Variants in MTHFD1L observed in about 807,000 individuals in gnomAD.
The protein encoded by MTHFD1L is monofunctional C1-tetrahydrofolate synthase, mitochondrial.
A neutral mutation model predicts 119.5 loss-of-function variants in MTHFD1L; 81 were observed. That is an observed-to-expected ratio of 0.68 (90% CI 0.57 to 0.82). MTHFD1L has a LOEUF of 0.82. MTHFD1L is among the 40% of genes least tolerant of loss of function. The probability of loss-of-function intolerance (pLI) is 0.00; values close to 1 mark genes in which losing one functional copy is unlikely to be tolerated. For missense variants in MTHFD1L, 1,125 were observed against 1,253.4 expected, an observed-to-expected ratio of 0.90 and a Z score of 1.55; for synonymous variants, 430 against 475.2, an observed-to-expected ratio of 0.90 and a Z score of 1.24.
At chr6:151,093,136 T>C (rs1794598496) in intron 27 of MTHFD1L, among the ~76,000 whole-genome samples, 2 of 152,132 alleles carry the variant, frequency 1.3e-5, no homozygotes. Flanking sequence ...AGCCAGGCCA[T>C]ACGCCACCTC....
At chr6:150,938,833 C>CCCT (rs1243182546) in intron 13 of MTHFD1L, 88 bp downstream of exon 13, 1 of 1,459,370 alleles carries the variant, frequency 6.9e-7, no homozygotes, top group Non-Finnish European at 9.4e-7. Context: ...GGCCCACAGA[C>CCCT]CCTCATCCAT....
intron 15 of MTHFD1L, among the ~76,000 whole-genome samples, chr6:150,946,004 T>C (rs1260236515): frequency 6.6e-6 from 1 of 151,904 alleles, no homozygotes; most frequent in Non-Finnish European, 1.5e-5. Flanking sequence ...CAAGAGCCCA[T>C]CTCTTAAAAA....
chr6:150,934,265 A>G (rs1791670688), intron 11 of MTHFD1L, among the ~76,000 whole-genome samples: 1 of 152,166 alleles, frequency 6.6e-6, no homozygotes, highest in South Asian at 2.1e-4. Flanking sequence ...CACCTCTCCT[A>G]TTAACTGCCC....
At chr6:151,065,223 G>A (rs938012848) in intron 26 of MTHFD1L, among the ~76,000 whole-genome samples, 8 of 152,178 alleles carry the variant, frequency 5.3e-5, no homozygotes, top group Non-Finnish European at 8.8e-5. Flanking sequence ...AGCAAAGGGG[G>A]CATTTTTCAG....
intron 27 of MTHFD1L, among the ~76,000 whole-genome samples, chr6:151,101,300 T>C (rs1725613845): frequency 6.6e-6 from 1 of 152,226 alleles, no homozygotes; most frequent in South Asian, 2.1e-4. Flanking sequence ...GAATGCTGCA[T>C]GGCGTAGCTG....
At chr6:150,897,152 CA>C (rs1290497330) in intron 7 of MTHFD1L, among the ~76,000 whole-genome samples, 1 of 152,076 alleles carries the variant, frequency 6.6e-6, no homozygotes, top group Non-Finnish European at 1.5e-5. Flanking sequence ...ATGTAATTAA[CA>C]GACTGATTGG....
At chr6:150,964,641 G>T (rs1796932210) in intron 18 of MTHFD1L, among the ~76,000 whole-genome samples, 1 of 152,126 alleles carries the variant, frequency 6.6e-6, no homozygotes, top group Non-Finnish European at 1.5e-5. Context: ...AATACACTGT[G>T]CATAAATAGC....
chr6:150,903,312 A>G (rs1200377728), intron 7 of MTHFD1L, among the ~76,000 whole-genome samples: 1 of 139,826 alleles, frequency 7.2e-6, no homozygotes, highest in Non-Finnish European at 1.5e-5. Context: ...TCTGCCTCCC[A>G]GGTTCAAGTG....
At chr6:150,885,917 T>C (rs1782172230) in intron 6 of MTHFD1L, among the ~76,000 whole-genome samples, 183 bp downstream of exon 6, 1 of 152,226 alleles carries the variant, frequency 6.6e-6, no homozygotes, top group Admixed American at 6.5e-5. Context: ...ACTTTTTTTA[T>C]TTTTCTCATC....
chr6:150,905,730 T>A lies in MTHFD1L; in HGVS notation c.861T>A (p.Thr287=), dbSNP rs2128847296. 5 of 1,614,110 alleles carry A rather than the reference T, an allele frequency of 3.1e-6. No individual in the cohort carries two copies. Among genetic ancestry groups the A allele is most frequent in the Non-Finnish European group, 4.2e-6 (5 of 1,179,938 alleles). The change falls in exon 8 of 28, where the codon ACT becomes ACA. Residue 287 remains threonine (T), a synonymous_variant. Transcript: ENST00000367321. ...TTACTTGGATACAACCAGGAACTAC[T>A]GTTCTCAACTGCTCCCATGACTTCC... The part of the protein sequence containing the change: ...IPLTWIQPGT[T]VLNCSHDFLS...
At chr6:150,963,304 GA>G (rs568272591) in intron 18 of MTHFD1L, among the ~76,000 whole-genome samples, 16 of 152,274 alleles carry the variant, frequency 1.1e-4, no homozygotes, top group Admixed American at 2.6e-4. Context: ...CACTGAGGTA[GA>G]TTCCAGTTAC....
chr6:150,937,407 G>A lies in MTHFD1L; in HGVS notation c.1393+467G>A, dbSNP rs78368734. ...GTCGTGATGAAATTCCTCCTTGGCC[G>A]TGGTCGGGCTGATATCTGGCACTTC... On this transcript the variant is annotated intron_variant, in intron 12 of 27. Coordinates refer to ENST00000367321, the MANE Select transcript of MTHFD1L (RefSeq NM_015440.5). 1.7e-3 allele frequency among the ~76,000 whole-genome samples: 259 copies of A among 152,248 alleles called. 1 individual carries two copies. The highest frequency in any genetic ancestry group is 5.8e-3 in the African/African-American group (243 of 41,548).
At chr6:151,079,353 G>A (rs769854753) in intron 26 of MTHFD1L, among the ~76,000 whole-genome samples, 8 of 152,110 alleles carry the variant, frequency 5.3e-5, no homozygotes, top group Non-Finnish European at 8.8e-5. Flanking sequence ...AAGGCAAAAA[G>A]ACACCACTGA....
At chr6:151,049,695 C>A (rs1328826469) in intron 26 of MTHFD1L, among the ~76,000 whole-genome samples, 24 of 151,902 alleles carry the variant, frequency 1.6e-4, no homozygotes, top group African/African-American at 5.8e-4. Context: ...TCGCATGAGC[C>A]CCCTCCTTGG....
At chr6:150,991,354 A>G (rs1779034816) in intron 20 of MTHFD1L, among the ~76,000 whole-genome samples, 4 of 152,200 alleles carry the variant, frequency 2.6e-5, no homozygotes, top group Admixed American at 2.6e-4. Context: ...TTCACAAAAT[A>G]TAAAGTTAAA....
At chr6:150,912,681 C>T in intron 8 of MTHFD1L, 1 of 512,132 alleles carries the variant, frequency 2.0e-6, no homozygotes, top group Non-Finnish European at 4.0e-6. Flanking sequence ...GTTTGATTAT[C>T]ATTAGAAGAA....
At chr6:151,068,497 C>T (rs898517840) in intron 26 of MTHFD1L, among the ~76,000 whole-genome samples, 2 of 152,150 alleles carry the variant, frequency 1.3e-5, no homozygotes, top group East Asian at 1.9e-4. Context: ...CTGCTTGAAC[C>T]GAGGGTTCAA....
At chr6:150,891,458 A>G (rs1274714655) in intron 7 of MTHFD1L, among the ~76,000 whole-genome samples, 1 of 148,340 alleles carries the variant, frequency 6.7e-6, no homozygotes, top group African/African-American at 2.4e-5. Context: ...ATATATATAT[A>G]GAATCTTAAT....
rs1352249559 is a variant in MTHFD1L, at chr6:150,960,171, T to C, written c.1804-104T>C. 7.0e-6 allele frequency: 10 copies of C among 1,419,946 alleles called. No individual in the cohort carries two copies. The African/African-American group carries it at 1.3e-4, about 18-fold the overall frequency. The allele number at this position is 1,419,946 out of a possible 1,614,324, so 88.0% of individuals were successfully genotyped here. ...CATGCATGGCCTTTTGAGGGTAGAC[T>C]CTCTGGGCCTGTGGTTGCTTCATGG... is the stretch of plus-strand genomic sequence containing the variant. On this transcript the variant is annotated intron_variant, in intron 17 of 27. Transcript: ENST00000367321.
Sources: gnomAD v4.1 joint callset for allele counts (sites outside exome capture counted in the v4.1 genomes callset) on GRCh38, gnomAD v4.1.1 for gene constraint, MANE v1.5 for transcripts, NCBI Gene and HGNC (gene_info 2026-07-23, HGNC 2026-07-21) for gene names.